The following SCN1A variants were observed in gnomAD, a reference collection of about 807,000 sequenced individuals.
SCN1A encodes sodium channel protein type 1 subunit alpha.
In SCN1A, 13 loss-of-function variants were observed where a neutral mutation model predicts 193.7. That is an observed-to-expected ratio of 0.07 (90% CI 0.04 to 0.11). The LOEUF is 0.11. Among genes scored for constraint, SCN1A ranks in the 10% least tolerant of loss-of-function variants. SCN1A has a pLI of 1.00. For missense variants in SCN1A, 1,432 were observed against 2,451.1 expected, an observed-to-expected ratio of 0.58 and a Z score of 8.78; for synonymous variants, 781 against 843.6, an observed-to-expected ratio of 0.93 and a Z score of 1.29.
chr2:166,074,127 A>T (rs1184881489), intron 3 of SCN1A, among the ~76,000 whole-genome samples: 4 of 152,184 alleles, frequency 2.6e-5, no homozygotes, highest in Admixed American at 1.3e-4. Context: ...CAAGATAGTC[A>T]GGATAGTTTG....
Position 165,994,360 on chromosome 2 carries a change from G to C in SCN1A, c.4638C>G (p.Ser1546Arg). ...TGTTAAGACAGATGAGAATCATGATGCTTATGTCAAAAACTTGTCTGGTTA... is the reference window on the plus strand; with the variant it reads ...TGTTAAGACAGATGAGAATCATGATCCTTATGTCAAAAACTTGTCTGGTTA... ...DFVTRQVFDI[S>R]IMILICLNMV... Residue 1546 changes from serine (S) to arginine (R), a missense_variant, in exon 28 of 29, where the codon AGC (serine) becomes AGG (arginine). This residue lies in a region of SCN1A where 85 missense variants were observed against 119.1 expected (regional missense o/e 0.71). Coordinates refer to ENST00000674923, the MANE Select transcript of SCN1A (RefSeq NM_001165963.4). 1 of 1,612,946 alleles carries C rather than the reference G, an allele frequency of 6.2e-7. No individual in the cohort carries two copies. The highest frequency in any genetic ancestry group is 8.5e-7 in the Non-Finnish European group (1 of 1,179,354).
chr2:166,101,949 G>C (rs1688130314), intron 2 of SCN1A, among the ~76,000 whole-genome samples: 1 of 152,154 alleles, frequency 6.6e-6, no homozygotes, highest in African/African-American at 2.4e-5. Flanking sequence ...CCAGCAGAAT[G>C]GGAGAAAATA....
chr2:166,039,361 A>C, intron 17 of SCN1A, 62 bp downstream of exon 17: 1 of 1,545,968 alleles, frequency 6.5e-7, no homozygotes. Flanking sequence ...TGACATTGCT[A>C]TGCAAGAACC....
chr2:166,133,449 G>A (rs1691736952), intron 1 of SCN1A, among the ~76,000 whole-genome samples: 1 of 152,136 alleles, frequency 6.6e-6, no homozygotes, highest in South Asian at 2.1e-4. Flanking sequence ...GGGAAATTAA[G>A]TATATGAATG....
At chr2:166,064,508 A>T (rs1283596481) in intron 4 of SCN1A, among the ~76,000 whole-genome samples, 2 of 152,318 alleles carry the variant, frequency 1.3e-5, no homozygotes, top group East Asian at 3.9e-4. Flanking sequence ...TAATTATGTT[A>T]TAATGATTTG....
chr2:166,116,266 C>T (rs1689847808), intron 2 of SCN1A, among the ~76,000 whole-genome samples: 1 of 152,038 alleles, frequency 6.6e-6, no homozygotes, highest in African/African-American at 2.4e-5. Context: ...AGAAAAAGAC[C>T]AATAGAAACT....
intron 2 of SCN1A, among the ~76,000 whole-genome samples, chr2:166,080,895 A>G (rs1397678077): frequency 1.3e-5 from 2 of 151,940 alleles, no homozygotes; most frequent in Non-Finnish European, 2.9e-5. Context: ...CATTATAATT[A>G]ACAGATTACC....
chr2:166,014,104 A>G (rs1692928639), intron 20 of SCN1A, among the ~76,000 whole-genome samples: 1 of 151,654 alleles, frequency 6.6e-6, no homozygotes, highest in Non-Finnish European at 1.5e-5. Context: ...CCTAGCGGAC[A>G]GTATTTGCTT....
intron 23 of SCN1A, among the ~76,000 whole-genome samples, chr2:166,007,750 ATGAG>A (rs1314141915): frequency 6.6e-6 from 1 of 151,426 alleles, no homozygotes; most frequent in Non-Finnish European, 1.5e-5. Context: ...CAAAAATAAA[ATGAG>A]TGCCTGAGTT....
At chr2:166,103,714 T>C (rs1688390422) in intron 2 of SCN1A, among the ~76,000 whole-genome samples, 1 of 152,054 alleles carries the variant, frequency 6.6e-6, no homozygotes, top group Admixed American at 6.5e-5. Flanking sequence ...AATATGATCT[T>C]TTAGTCACTT....
chr2:166,090,029 CTTTTTTTTTTTT>C (rs545740675), intron 2 of SCN1A, among the ~76,000 whole-genome samples: 12 of 71,416 alleles, frequency 1.7e-4, no homozygotes, highest in African/African-American at 3.7e-4. Flanking sequence ...TCCTTCTTTC[CTTTTTTTTTTTT>C]TTTTTTTTTT....
intron 17 of SCN1A, among the ~76,000 whole-genome samples, chr2:166,039,012 GA>G (rs1480264169): frequency 2.6e-5 from 4 of 152,146 alleles, no homozygotes; most frequent in African/African-American, 9.7e-5. Flanking sequence ...ATATTTTCCA[GA>G]GACAGAATTA....
chr2:166,088,727 T>C (rs558914649), intron 2 of SCN1A, among the ~76,000 whole-genome samples: 1 of 152,322 alleles, frequency 6.6e-6, no homozygotes, highest in South Asian at 2.1e-4. Flanking sequence ...TAGGGCATTA[T>C]TGTTTTAGAA....
intron 2 of SCN1A, among the ~76,000 whole-genome samples, chr2:166,088,439 C>A (rs913117421): frequency 6.6e-6 from 1 of 152,116 alleles, no homozygotes; most frequent in South Asian, 2.1e-4. Context: ...AAAATGCATG[C>A]TTTTTTGGAT....
chr2:166,091,232 C>CA (rs1210393721), intron 2 of SCN1A, among the ~76,000 whole-genome samples: 1 of 152,020 alleles, frequency 6.6e-6, no homozygotes. Context: ...TCGGCTGAGA[C>CA]AAAAAAGAGA....
At position 165,998,108 on chromosome 2, in the gene SCN1A, A is replaced by G; in HGVS notation, c.4406T>C (p.Phe1469Ser). The G allele has an allele frequency of 6.2e-7, 1 of 1,605,802 alleles. No individual in the cohort carries two copies. Among genetic ancestry groups the G allele is most frequent in the South Asian group, 1.1e-5 (1 of 90,678 alleles). ...CAGGTTCAAGGTGAAGAAGGACCCA[A>G]AGATGATGAAAATAACAAAGTAAAG... ...MYLYFVIFII[F>S]GSFFTLNLFI... The change falls in exon 26 of 29, where the codon TTT (phenylalanine) becomes TCT (serine). Residue 1469 changes from phenylalanine (F) to serine (S), a missense_variant. By Grantham distance (155) the Phe-to-Ser change is radical. Transcript: ENST00000674923.
rs779669032 is a variant in SCN1A at position 165,999,787 on chromosome 2, G to A, written c.4285-11C>T. 6.3e-7 allele frequency: 1 copy of A among 1,588,456 alleles called. No homozygotes were observed. Among genetic ancestry groups the A allele is most frequent in the South Asian group, 1.1e-5 (1 of 90,514 alleles). ...TCCTTTGAATGTGGCCTATTAAGAAGGACATGCATGTTTTACTTTGGAGTA... is the reference window on the plus strand; with the variant it reads ...TCCTTTGAATGTGGCCTATTAAGAAAGACATGCATGTTTTACTTTGGAGTA... On this transcript the variant is annotated splice_polypyrimidine_tract_variant and intron_variant, in intron 24 of 28. Coordinates refer to ENST00000674923, the MANE Select transcript of SCN1A (RefSeq NM_001165963.4).
intron 2 of SCN1A, among the ~76,000 whole-genome samples, chr2:166,097,110 C>A (rs1687474541): frequency 6.6e-6 from 1 of 151,832 alleles, no homozygotes; most frequent in Non-Finnish European, 1.5e-5. Context: ...CAACCTAACT[C>A]TCCCAGGTTC....
chr2:166,145,914 A>C (rs1441139702), intron 1 of SCN1A, among the ~76,000 whole-genome samples: 2 of 152,138 alleles, frequency 1.3e-5, no homozygotes, highest in Non-Finnish European at 2.9e-5. Context: ...TACTTTCCAT[A>C]CTAAGAAGAG....
Sources: allele counts gnomAD v4.1 joint callset (sites outside exome capture counted in the v4.1 genomes callset), GRCh38; gene constraint gnomAD v4.1.1; regional missense constraint gnomAD v4.1.1; transcripts MANE v1.5; gene names NCBI Gene and HGNC (gene_info 2026-07-23, HGNC 2026-07-21).